The following SCIN variants were observed in gnomAD, a reference collection of about 807,000 sequenced individuals.
SCIN encodes scinderin, also known as adseverin.
A neutral mutation model predicts 91.8 loss-of-function variants in SCIN; 91 were observed. The ratio of observed to expected loss-of-function variants is 0.99; its 90% confidence interval spans 0.84 to 1.18. SCIN has a LOEUF of 1.18. Among genes scored for constraint, SCIN ranks in the 50% most tolerant of loss-of-function variants. The pLI is 0.00. For missense variants in SCIN, 1,087 were observed against 863.9 expected (o/e 1.26, Z -3.24); for synonymous variants, 367 against 312.6 (o/e 1.17, Z -1.84).
intron 4 of SCIN, among the ~76,000 whole-genome samples, chr7:12,605,501 A>G (rs1404065195): frequency 6.6e-6 from 1 of 152,210 alleles, no homozygotes; most frequent in African/African-American, 2.4e-5. Context: ...ACAAAATGAT[A>G]TATCTTGGGG....
intron 3 of SCIN, among the ~76,000 whole-genome samples, chr7:12,583,995 A>G (rs17355921): frequency 0.33 from 50,051 of 151,976 alleles, 9,115 homozygotes; most frequent in Middle Eastern, 0.43. Flanking sequence ...ATTTTCCTAT[A>G]CTCAAAAGGG....
At chr7:12,650,262 A>G (rs570781444) in intron 14 of SCIN, among the ~76,000 whole-genome samples, 48 of 152,294 alleles carry the variant, frequency 3.2e-4, no homozygotes, top group African/African-American at 6.0e-4. Flanking sequence ...TACAATGACC[A>G]TGTTTGACTT....
At chr7:12,635,611 C>CAAAAAAAAAAAAAAAAAAAAAAAAA (rs59324421) in intron 9 of SCIN, among the ~76,000 whole-genome samples, 1 of 5,848 alleles carries the variant, frequency 1.7e-4, no homozygotes, top group African/African-American at 3.5e-4. Flanking sequence ...GACTCCGTCT[C>CAAAAAAAAAAAAAAAAAAAAAAAAA]AAAAAAAAAA....
At chr7:12,652,172 T>C (rs1234067928) in intron 15 of SCIN, among the ~76,000 whole-genome samples, 1 of 152,252 alleles carries the variant, frequency 6.6e-6, no homozygotes, top group Admixed American at 6.5e-5. Context: ...CCTTGTTTTA[T>C]TATAAGAGTA....
intron 3 of SCIN, among the ~76,000 whole-genome samples, chr7:12,602,451 TG>T (rs1206074954): frequency 1.3e-5 from 2 of 152,266 alleles, no homozygotes; most frequent in East Asian, 3.9e-4. Context: ...AGCAGAGAAC[TG>T]GTCTGACCAA....
chr7:12,615,651 GCC>G (rs1783283966), intron 4 of SCIN, among the ~76,000 whole-genome samples: 1 of 152,056 alleles, frequency 6.6e-6, no homozygotes, highest in Admixed American at 6.6e-5. Flanking sequence ...TTAGCATTCA[GCC>G]CTTCATCCAA....
Position 12,654,341 on chromosome 7 carries a change from G to C in SCIN, c.*1626G>C, listed in dbSNP as rs1020481290. The C allele has an allele frequency of 3.9e-5, 6 of 152,074 alleles. No individual in the cohort carries two copies. Among genetic ancestry groups the C allele is most frequent in the Admixed American group, 6.5e-5 (1 of 15,274 alleles). 9.4% of individuals were successfully genotyped at this position (152,074 alleles called of 1,614,324 possible). A position where few individuals can be genotyped will look rare whatever the true frequency, so the allele number is the denominator to read the frequency against. ...GTCCAGGCAGGCATGAGATTTCTCAGCCTTACTTCAACTTGATTATGACCA... is the reference window on the plus strand; with the variant it reads ...GTCCAGGCAGGCATGAGATTTCTCACCCTTACTTCAACTTGATTATGACCA... On this transcript the variant is annotated 3_prime_UTR_variant, in exon 16 of 16. Coordinates refer to ENST00000297029, the MANE Select transcript of SCIN (RefSeq NM_001112706.3).
intron 3 of SCIN, among the ~76,000 whole-genome samples, chr7:12,602,087 T>G (rs1473137678): frequency 1.3e-5 from 2 of 152,182 alleles, no homozygotes; most frequent in Non-Finnish European, 2.9e-5. Context: ...CAACATAGGT[T>G]CTTTCTATTT....
intron 2 of SCIN, among the ~76,000 whole-genome samples, chr7:12,580,227 A>G (rs1032103860): frequency 6.6e-6 from 1 of 152,086 alleles, no homozygotes; most frequent in African/African-American, 2.4e-5. Context: ...TAGCTCAGTT[A>G]TTCACATATA....
intron 8 of SCIN, 86 bp downstream of exon 8, chr7:12,626,885 TTCGAGA>T: frequency 8.3e-7 from 1 of 1,206,510 alleles, no homozygotes. Context: ...AGGACAGGAG[TTCGAGA>T]TCAGCCTGGC....
chr7:12,611,051 T>A (rs1783180927), intron 4 of SCIN: 1 of 152,284 alleles, frequency 6.6e-6, no homozygotes, highest in Admixed American at 6.5e-5. Context: ...TGCTGCCCGC[T>A]GCCTGGCTAC....
chr7:12,604,098 TGCA>T (rs1190054415), intron 3 of SCIN, among the ~76,000 whole-genome samples: 1 of 152,046 alleles, frequency 6.6e-6, no homozygotes. Flanking sequence ...AATAAATACA[TGCA>T]ACATGTATTT....
intron 3 of SCIN, among the ~76,000 whole-genome samples, chr7:12,587,776 G>A (rs1370697801): frequency 6.6e-6 from 1 of 152,146 alleles, no homozygotes; most frequent in African/African-American, 2.4e-5. Context: ...CTCAAAGATT[G>A]ATTGCTTTGG....
intron 11 of SCIN, 138 bp downstream of exon 11, chr7:12,640,655 T>G: frequency 2.6e-6 from 2 of 770,756 alleles, no homozygotes; most frequent in Non-Finnish European, 3.6e-6. Flanking sequence ...TTCAAAATTT[T>G]AAAAACATTT....
intron 4 of SCIN, among the ~76,000 whole-genome samples, chr7:12,613,727 A>G (rs920981746): frequency 2.0e-5 from 3 of 152,128 alleles, no homozygotes; most frequent in African/African-American, 7.2e-5. Flanking sequence ...TTAGAATTAC[A>G]TTATTTTGAA....
At chr7:12,596,880 G>A (rs1782854293) in intron 3 of SCIN, among the ~76,000 whole-genome samples, 1 of 151,992 alleles carries the variant, frequency 6.6e-6, no homozygotes, top group South Asian at 2.1e-4. Flanking sequence ...CATCCAAATG[G>A]CATTATTGAC....
chr7:12,584,920 T>C (rs1337857534), intron 3 of SCIN, among the ~76,000 whole-genome samples: 4 of 152,204 alleles, frequency 2.6e-5, no homozygotes, highest in Non-Finnish European at 5.9e-5. Context: ...TGGAAAGATA[T>C]GTCACAGTCA....
chr7:12,647,630 C>T (rs973016974), intron 13 of SCIN, among the ~76,000 whole-genome samples: 2 of 152,120 alleles, frequency 1.3e-5, no homozygotes, highest in African/African-American at 4.8e-5. Flanking sequence ...ACAGTGCTGA[C>T]GTCAAGTTAA....
At chr7:12,642,122 G>A (rs1244128072) in intron 11 of SCIN, among the ~76,000 whole-genome samples, 1 of 151,356 alleles carries the variant, frequency 6.6e-6, no homozygotes, top group Non-Finnish European at 1.5e-5. Context: ...ATATATTTGT[G>A]TACAGTGATA....
Sources: gnomAD v4.1 joint callset for allele counts (sites outside exome capture counted in the v4.1 genomes callset) on GRCh38, gnomAD v4.1.1 for gene constraint, MANE v1.5 for transcripts, NCBI Gene and HGNC (gene_info 2026-07-23, HGNC 2026-07-21) for gene names.